RASEF: variants seen among roughly 807,000 people sequenced by gnomAD.
RASEF encodes RAS and EF-hand domain containing.
A neutral mutation model predicts 90.1 loss-of-function variants in RASEF; 68 were observed. The observed-to-expected ratio is 0.75, with a 90% CI of 0.62 to 0.92. RASEF has a LOEUF of 0.92. Among genes scored for constraint, RASEF ranks in the 40% least tolerant of loss-of-function variants. The probability of loss-of-function intolerance (pLI) is 0.00; values close to 1 mark genes in which losing one functional copy is unlikely to be tolerated. For synonymous variants in RASEF, 331 were observed against 345.2 expected, an observed-to-expected ratio of 0.96 and a Z score of 0.46; for missense variants, 949 against 937.2, an observed-to-expected ratio of 1.01 and a Z score of -0.16.
chr9:83,107,602 T>C, the RASEF span, among the ~76,000 whole-genome samples: 1 of 152,222 alleles, frequency 6.6e-6, no homozygotes, highest in Non-Finnish European at 1.5e-5. Context: ...TCACTAATTA[T>C]TGATAGAAGC....
chr9:82,996,827 A>G (rs920471372), intron 14 of RASEF, among the ~76,000 whole-genome samples, 185 bp downstream of exon 14: 6 of 152,212 alleles, frequency 3.9e-5, no homozygotes, highest in Non-Finnish European at 8.8e-5. Flanking sequence ...CTTCAGGGAA[A>G]TGTGCCCAAA....
chr9:83,191,985 C>T, the RASEF span, among the ~76,000 whole-genome samples: 2 of 152,160 alleles, frequency 1.3e-5, no homozygotes, highest in South Asian at 2.1e-4. Context: ...TAGAGAAATG[C>T]AAATCGAAAC....
chr9:83,137,220 T>G, the RASEF span, among the ~76,000 whole-genome samples: 1 of 152,134 alleles, frequency 6.6e-6, no homozygotes, highest in Non-Finnish European at 1.5e-5. Context: ...CTTATATTGG[T>G]ATTCTCCAGT....
In RASEF at chr9:83,062,780, G is replaced by C. The variant is rs776856874; in HGVS notation, c.88C>G (p.Arg30Gly). 1.3e-6 allele frequency: 2 copies of C among 1,557,132 alleles called. No homozygotes were observed. Among genetic ancestry groups the C allele is most frequent in the African/African-American group, 1.4e-5 (1 of 72,556 alleles). Residue 30 changes from arginine (R) to glycine (G), a missense_variant, in exon 1 of 17, where the codon CGC becomes GGC. Arg to Gly is a moderately radical substitution (Grantham distance 125). Transcript: ENST00000376447. Reference sequence around the variant, plus strand: ...GTGCACAGTGCCCGGAACTCCTCGCGCTCCAGGCGCCCCGAGCGGTTCGCG... The same window carrying C: ...GTGCACAGTGCCCGGAACTCCTCGCCCTCCAGGCGCCCCGAGCGGTTCGCG... ...CDANRSGRLE[R>G]EEFRALCTEL...
At chr9:82,997,432 T>G (rs1371122751) in intron 13 of RASEF, among the ~76,000 whole-genome samples, 2 of 152,062 alleles carry the variant, frequency 1.3e-5, no homozygotes, top group East Asian at 3.9e-4. Flanking sequence ...AATTTCAACC[T>G]CAGCAACAAG....
the RASEF span, among the ~76,000 whole-genome samples, chr9:83,119,249 C>T: frequency 6.7e-6 from 1 of 150,366 alleles, no homozygotes; most frequent in African/African-American, 2.5e-5. Context: ...AAACTCCTGA[C>T]CCCAAGTGAT....
the RASEF span, among the ~76,000 whole-genome samples, chr9:83,167,264 A>G: frequency 6.6e-6 from 1 of 152,132 alleles, no homozygotes. Flanking sequence ...GGTATATTAG[A>G]AAGAAGACCA....
At chr9:83,192,430 T>C in the RASEF span, among the ~76,000 whole-genome samples, 58 of 152,258 alleles carry the variant, frequency 3.8e-4, no homozygotes, top group Admixed American at 1.3e-3. Flanking sequence ...CCATAGGCCA[T>C]TATCCTTAGC....
chr9:83,173,533 C>T, the RASEF span, among the ~76,000 whole-genome samples: 4 of 151,578 alleles, frequency 2.6e-5, no homozygotes, highest in African/African-American at 4.8e-5. Flanking sequence ...CATTCTGCTG[C>T]ATTTTTCTGT....
the RASEF span, among the ~76,000 whole-genome samples, chr9:83,173,394 T>G: frequency 6.6e-6 from 1 of 151,888 alleles, no homozygotes; most frequent in Non-Finnish European, 1.5e-5. Flanking sequence ...TTTGAGGCTA[T>G]TTTCTAGATT....
At chr9:83,100,764 AG>A in the RASEF span, among the ~76,000 whole-genome samples, 509 of 152,298 alleles carry the variant, frequency 3.3e-3, 5 homozygotes, top group African/African-American at 0.012. Context: ...GACACAGGGA[AG>A]AGAGGAAGTT....
At chr9:83,161,295 T>C in the RASEF span, among the ~76,000 whole-genome samples, 59 of 152,324 alleles carry the variant, frequency 3.9e-4, no homozygotes, top group Non-Finnish European at 2.4e-4. Flanking sequence ...GGGGCAAAGC[T>C]GCCTGAGACC....
At chr9:83,176,843 A>T in the RASEF span, among the ~76,000 whole-genome samples, 2 of 152,116 alleles carry the variant, frequency 1.3e-5, no homozygotes, top group African/African-American at 4.8e-5. Context: ...CCCAACATCA[A>T]ATTGTAATAT....
chr9:83,141,412 GA>G, the RASEF span, among the ~76,000 whole-genome samples: 1 of 151,960 alleles, frequency 6.6e-6, no homozygotes, highest in Non-Finnish European at 1.5e-5. Flanking sequence ...ACATCCTTGA[GA>G]AAAAAGAATA....
intron 1 of RASEF, among the ~76,000 whole-genome samples, chr9:83,043,923 A>G (rs1829884378): frequency 6.6e-6 from 1 of 152,204 alleles, no homozygotes; most frequent in Non-Finnish European, 1.5e-5. Context: ...AGCAGAGAGA[A>G]GACGTGATTT....
intron 1 of RASEF, among the ~76,000 whole-genome samples, chr9:83,047,430 T>C (rs1031371499): frequency 2.6e-5 from 4 of 152,216 alleles, no homozygotes; most frequent in Admixed American, 6.5e-5. Flanking sequence ...CCAGAAAATA[T>C]GACCTCTTAT....
At chr9:83,042,027 A>G (rs1829852911) in intron 1 of RASEF, among the ~76,000 whole-genome samples, 1 of 152,198 alleles carries the variant, frequency 6.6e-6, no homozygotes, top group South Asian at 2.1e-4. Context: ...AAGGAAAAGC[A>G]ATTTCAGTAA....
chr9:83,002,472 TAATAAC>T (rs2118453911), intron 9 of RASEF, among the ~76,000 whole-genome samples: 1 of 151,572 alleles, frequency 6.6e-6, no homozygotes, highest in South Asian at 2.1e-4. Context: ...AATATACTGT[TAATAAC>T]AATAACAATA....
chr9:83,030,931 T>C (rs1829634424), intron 1 of RASEF, among the ~76,000 whole-genome samples: 1 of 152,090 alleles, frequency 6.6e-6, no homozygotes, highest in East Asian at 1.9e-4. Flanking sequence ...TCTCCCTCTT[T>C]TCACTCTCTC....
Sources: gnomAD v4.1 joint callset for allele counts (sites outside exome capture counted in the v4.1 genomes callset) on GRCh38, gnomAD v4.1.1 for gene constraint, MANE v1.5 for transcripts, NCBI Gene and HGNC (gene_info 2026-07-23, HGNC 2026-07-21) for gene names.